Variants in LRRC41 observed in about 807,000 individuals in gnomAD.
LRRC41 encodes leucine-rich repeat-containing protein 41.
LRRC41 carries 17 observed loss-of-function variants against 72.1 expected under a neutral mutation model. The ratio of observed to expected loss-of-function variants is 0.24; its 90% CI spans 0.16 to 0.35. LRRC41 has a LOEUF of 0.35. LRRC41 is among the 10% of genes least tolerant of loss of function. The pLI is 1.00. For synonymous variants in LRRC41, 427 were observed against 431.0 expected (o/e 0.99, Z 0.11); for missense variants, 759 against 1,065.0 (o/e 0.71, Z 4.00).
intron 3 of LRRC41, among the ~76,000 whole-genome samples, chr1:46,289,532 C>T (rs182537899): frequency 0.014 from 2,074 of 151,978 alleles, 28 homozygotes; most frequent in Middle Eastern, 0.034. Context: ...GAGGCCGAGG[C>T]GGGGGGGATC....
rs931949220 is a variant in LRRC41, at chr1:46,302,561, C to T, written c.199+563G>A. 3 of 984,940 alleles carry T rather than the reference C, an allele frequency of 3.0e-6. No homozygotes were observed. The highest frequency in any genetic ancestry group is 1.1e-4 in the East Asian group (1 of 8,746). The allele number at this position is 984,940 out of a possible 1,614,324, so 61.0% of individuals were successfully genotyped here. On this transcript the variant is annotated intron_variant, in intron 1 of 9. Transcript: ENST00000617190. This position sits in a 1 kb window ranked among gnomAD's most constrained non-coding sequence, Gnocchi z 4.7. ...TTCGGCCTCTCCCCCTGCCCCATTC[C>T]CTCGCTCTCCAATCTGCTGTCCTCC... is the stretch of plus-strand genomic sequence containing the variant.
At chr1:46,289,187 A>G (rs548555971) in intron 3 of LRRC41, among the ~76,000 whole-genome samples, 7 of 152,362 alleles carry the variant, frequency 4.6e-5, no homozygotes, top group African/African-American at 1.4e-4. Context: ...ACACAACTGC[A>G]GTGAGCAGCA....
chr1:46,303,134 G>T lies in LRRC41; in HGVS notation c.189C>A (p.Ser63Arg). ...AVSAHMGVLESGVWALPGPIL... is the reference protein window; with the variant it reads ...AVSAHMGVLERGVWALPGPIL... ...CACCCCGCGACTTACCCCACACCCCGCTCTCCAGAACCCCCATATGGGCGC... is the reference window on the plus strand; with the variant it reads ...CACCCCGCGACTTACCCCACACCCCTCTCTCCAGAACCCCCATATGGGCGC... The change falls in exon 1 of 10, where the codon AGC becomes AGA. Residue 63 changes from serine (S) to arginine (R), a missense_variant. This residue lies in a region of LRRC41 where 116 missense variants were observed against 250.9 expected (regional missense o/e 0.46). Transcript: ENST00000617190. 1.6e-6 allele frequency: 2 copies of T among 1,268,810 alleles called. No homozygotes were observed. Among genetic ancestry groups the T allele is most frequent in the Non-Finnish European group, 1.0e-6 (1 of 989,764 alleles). 78.6% of individuals were successfully genotyped at this position (1,268,810 alleles called of 1,614,324 possible). A position where few individuals can be genotyped will look rare whatever the true frequency, so the allele number is the denominator to read the frequency against.
In LRRC41 at chr1:46,297,308, T is replaced by C. The variant is rs142052875; in HGVS notation, c.357+255A>G. The C allele has an allele frequency of 4.1e-5, 17 of 412,640 alleles. 1 individual carries two copies. In the East Asian group the frequency reaches 7.1e-4, roughly 17 times the overall value. The allele number at this position is 412,640 out of a possible 1,614,324, so 25.6% of individuals were successfully genotyped here. On this transcript the variant is annotated intron_variant, in intron 3 of 9. Coordinates refer to ENST00000617190, the MANE Select transcript of LRRC41 (RefSeq NM_006369.5). ...ACTGCACCAACACCATCAAGAACTC[T>C]AGGAATCCTGGCTCTGCCATCCATT...
chr1:46,284,792 G>A (rs1376042985), intron 4 of LRRC41, among the ~76,000 whole-genome samples: 1 of 152,166 alleles, frequency 6.6e-6, no homozygotes, highest in Non-Finnish European at 1.5e-5. Flanking sequence ...GTTCATACGA[G>A]GTTAGTGATC....
rs1208509558 is a variant in LRRC41, at chr1:46,278,209, G to A, written c.*656C>T. 1 of 1,613,848 alleles carries A rather than the reference G, an allele frequency of 6.2e-7. No homozygotes were observed. On this transcript the variant is annotated 3_prime_UTR_variant, in exon 10 of 10. Transcript: ENST00000617190. The stretch of plus-strand genomic sequence containing the variant: ...CGGGATGAGGTACTCCAGGCTGCCT[G>A]GGATGCTGCCTCCACTGCCATCACC...
At chr1:46,296,847 A>G (rs1212931761) in intron 3 of LRRC41, 1 of 152,238 alleles carries the variant, frequency 6.6e-6, no homozygotes, top group Non-Finnish European at 1.5e-5. Context: ...TGTATCTTCC[A>G]TTAGCTTCCA....
At position 46,280,381 on chromosome 1, in the gene LRRC41, C is replaced by A; in HGVS notation, c.1921+15G>T. On this transcript the variant is annotated intron_variant, in intron 6 of 9. Coordinates refer to ENST00000617190, the MANE Select transcript of LRRC41 (RefSeq NM_006369.5). ...CACCTACTCCTCTCCCTTCACCATTCTGGCTGGGTCCTACCTTTGAGTGTT... is the reference window on the plus strand; with the variant it reads ...CACCTACTCCTCTCCCTTCACCATTATGGCTGGGTCCTACCTTTGAGTGTT... The A allele has an allele frequency of 6.2e-7, 1 of 1,614,202 alleles. No individual in the cohort carries two copies. Among genetic ancestry groups the A allele is most frequent in the South Asian group, 1.1e-5 (1 of 91,086 alleles).
At chr1:46,292,385 C>T (rs941071526) in intron 3 of LRRC41, among the ~76,000 whole-genome samples, 1 of 152,134 alleles carries the variant, frequency 6.6e-6, no homozygotes, top group Admixed American at 6.6e-5. Context: ...GTAAGAGCCA[C>T]CACATCCAGC....
chr1:46,301,960 G>T, intron 1 of LRRC41: 1 of 985,350 alleles, frequency 1.0e-6, no homozygotes, highest in Non-Finnish European at 1.2e-6. Context: ...GCGCGGCTAG[G>T]CCTGCTTGGC....
intron 3 of LRRC41, among the ~76,000 whole-genome samples, chr1:46,291,552 G>GTTTTT (rs1219656700): frequency 1.4e-3 from 118 of 84,942 alleles, no homozygotes; most frequent in East Asian, 2.3e-3. Flanking sequence ...GCCCCAGCTG[G>GTTTTT]TTTTTTTTTT....
At chr1:46,288,716 C>T (rs1232095179) in intron 3 of LRRC41, among the ~76,000 whole-genome samples, 1 of 152,234 alleles carries the variant, frequency 6.6e-6, no homozygotes, top group Non-Finnish European at 1.5e-5. Flanking sequence ...CCCCAGACTC[C>T]ACTTACTGTG....
intron 4 of LRRC41, chr1:46,284,029 G>A (rs953249659): frequency 5.9e-5 from 9 of 152,154 alleles, no homozygotes; most frequent in African/African-American, 1.9e-4. Flanking sequence ...GCCAAGAAGA[G>A]TTACTGAAAA....
At chr1:46,284,784 T>G (rs1408550835) in intron 4 of LRRC41, among the ~76,000 whole-genome samples, 1 of 152,150 alleles carries the variant, frequency 6.6e-6, no homozygotes, top group African/African-American at 2.4e-5. Context: ...CAGTGAAGGT[T>G]CATACGAGGT....
rs1419596804 is a variant in LRRC41 at position 46,302,836 on chromosome 1, C to T, written c.199+288G>A. 4 of 985,186 alleles carry T rather than the reference C, an allele frequency of 4.1e-6. No individual in the cohort carries two copies. The highest frequency in any genetic ancestry group is 6.1e-5 in the Admixed American group (1 of 16,272). 61.0% of individuals were successfully genotyped at this position (985,186 alleles called of 1,614,324 possible). On this transcript the variant is annotated intron_variant, in intron 1 of 9. Coordinates refer to ENST00000617190, the MANE Select transcript of LRRC41 (RefSeq NM_006369.5). This position sits in a 1 kb window ranked among gnomAD's most constrained non-coding sequence, Gnocchi z 4.7. ...CGCGCGGCCCACAGCCGCAATCCAG[C>T]CTCAGTCGCCCGGGCCCAGCCTGCT...
At chr1:46,292,872 T>C (rs1376400434) in intron 3 of LRRC41, among the ~76,000 whole-genome samples, 1 of 152,232 alleles carries the variant, frequency 6.6e-6, no homozygotes, top group Non-Finnish European at 1.5e-5. Flanking sequence ...ATTTTCTTTC[T>C]TGGTTCTGTG....
At chr1:46,303,052 C>T (rs1253681831) in intron 1 of LRRC41, 72 bp downstream of exon 1, 13 of 1,341,786 alleles carry the variant, frequency 9.7e-6, no homozygotes, top group Non-Finnish European at 1.2e-5. Flanking sequence ...CCCGGCCTCG[C>T]CCCCCGCGCC....
intron 3 of LRRC41, among the ~76,000 whole-genome samples, chr1:46,294,817 ACTC>A (rs1275501903): frequency 2.0e-5 from 3 of 148,480 alleles, no homozygotes; most frequent in Admixed American, 6.7e-5. Flanking sequence ...CTGGTCTTGA[ACTC>A]CTGATTTCGT....
intron 3 of LRRC41, among the ~76,000 whole-genome samples, chr1:46,290,045 A>G (rs1660974795): frequency 6.6e-6 from 1 of 152,242 alleles, no homozygotes; most frequent in South Asian, 2.1e-4. Flanking sequence ...AGCCAACAAT[A>G]TTCAGAAACT....
Sources: gnomAD v4.1 joint callset for allele counts (sites outside exome capture counted in the v4.1 genomes callset) on GRCh38, gnomAD v4.1.1 for gene constraint, gnomAD v4.1.1 regional missense constraint, Gnocchi (gnomAD v3.1) non-coding constraint, MANE v1.5 for transcripts, NCBI Gene and HGNC (gene_info 2026-07-23, HGNC 2026-07-21) for gene names.